The following COBLL1 variants were observed in gnomAD, a reference collection of about 807,000 sequenced individuals.
COBLL1 encodes the protein cordon-bleu protein-like 1.
A neutral mutation model predicts 94.8 loss-of-function variants in COBLL1; 50 were observed. The observed-to-expected ratio is 0.53, with a 90% confidence interval of 0.42 to 0.67. The LOEUF is 0.67. Ranked by LOEUF, COBLL1 falls within the 30% of genes least tolerant of loss-of-function variation. The probability of loss-of-function intolerance (pLI) is 0.00; values close to 1 mark genes in which losing one functional copy is unlikely to be tolerated. For missense variants in COBLL1, 1,362 were observed against 1,348.7 expected (o/e 1.01, Z -0.15); for synonymous variants, 448 against 473.8 (o/e 0.95, Z 0.71).
upstream of COBLL1, chr2:164,841,952 C>T: frequency 6.5e-7 from 1 of 1,536,832 alleles, no homozygotes; most frequent in East Asian, 2.5e-5. The surrounding 1 kb of genome is among the most constrained non-coding windows in gnomAD (Gnocchi z 5.5). Flanking sequence ...CGCTCTCTCA[C>T]TCACCCTGCC....
chr2:164,780,960 G>A (rs1365031598), intron 2 of COBLL1, among the ~76,000 whole-genome samples: 2 of 152,116 alleles, frequency 1.3e-5, no homozygotes, highest in African/African-American at 4.8e-5. Flanking sequence ...CCTGTGATGT[G>A]CGTATTTTCT....
chr2:164,706,230 A>T (rs1184351854), intron 7 of COBLL1, among the ~76,000 whole-genome samples: 1 of 152,144 alleles, frequency 6.6e-6, no homozygotes, highest in African/African-American at 2.4e-5. Flanking sequence ...ACCTATTAGC[A>T]ACATTAAACA....
chr2:164,833,863 C>T (rs180883115), intron 2 of COBLL1, among the ~76,000 whole-genome samples: 13 of 152,022 alleles, frequency 8.6e-5, no homozygotes, highest in African/African-American at 3.1e-4. Context: ...GTATAGTGAA[C>T]TTAAATTAAA....
intron 2 of COBLL1, among the ~76,000 whole-genome samples, chr2:164,805,349 A>ATATATATT (rs1684083207): frequency 9.1e-6 from 1 of 110,004 alleles, no homozygotes; most frequent in Non-Finnish European, 1.8e-5. Flanking sequence ...ATATATATAT[A>ATATATATT]TATATATATA....
At chr2:164,687,207 T>G (rs1364755065) in intron 13 of COBLL1, 1 of 441,402 alleles carries the variant, frequency 2.3e-6, no homozygotes, top group Non-Finnish European at 4.1e-6. Context: ...GGTAATGACT[T>G]TCTTTCTTTT....
At chr2:164,787,997 C>T (rs1682960388) in intron 2 of COBLL1, among the ~76,000 whole-genome samples, 1 of 152,136 alleles carries the variant, frequency 6.6e-6, no homozygotes, top group Non-Finnish European at 1.5e-5. Flanking sequence ...GTAACAGACA[C>T]TTGTCAGATG....
chr2:164,836,428 C>T (rs896554861), intron 2 of COBLL1, among the ~76,000 whole-genome samples: 2 of 152,072 alleles, frequency 1.3e-5, no homozygotes, highest in Non-Finnish European at 2.9e-5. Context: ...TATAAGGCCA[C>T]TTTAAATAAA....
chr2:164,787,649 C>A (rs1336048384), intron 2 of COBLL1, among the ~76,000 whole-genome samples: 1 of 152,116 alleles, frequency 6.6e-6, no homozygotes, highest in Non-Finnish European at 1.5e-5. Context: ...CTTGAGCCCT[C>A]AAATAAATAC....
At chr2:164,815,219 G>T (rs752818674) in intron 2 of COBLL1, among the ~76,000 whole-genome samples, 12 of 151,916 alleles carry the variant, frequency 7.9e-5, no homozygotes, top group Non-Finnish European at 1.6e-4. Context: ...GGCCAATGTG[G>T]TGAAACTCAT....
Position 164,682,663 on chromosome 2 carries a change from T to C in COBLL1, c.*3283A>G, listed in dbSNP as rs1235216803. On this transcript the variant is annotated 3_prime_UTR_variant, in exon 14 of 14. Coordinates refer to ENST00000652658, the MANE Select transcript of COBLL1 (RefSeq NM_001365672.2). ...GCAAATAATACCTGTTCACTTATAGTATTGACATCAGGTAACTTTAAAAGA... is the reference window on the plus strand; with the variant it reads ...GCAAATAATACCTGTTCACTTATAGCATTGACATCAGGTAACTTTAAAAGA... 1 of 152,164 alleles carries C rather than the reference T, an allele frequency of 6.6e-6. No homozygotes were observed. 9.4% of individuals were successfully genotyped at this position (152,164 alleles called of 1,614,324 possible).
chr2:164,665,528 C>CCAGAATAATTTTATTAT, intron 2 of COBLL1, among the ~76,000 whole-genome samples: 1 of 150,116 alleles, frequency 6.7e-6, no homozygotes, highest in Admixed American at 6.6e-5. Context: ...GATTGAAAAC[C>CCAGAATAATTTTATTAT]CTACCCCAGA....
chr2:164,735,541 A>G (rs1686254064), intron 3 of COBLL1, among the ~76,000 whole-genome samples: 1 of 151,890 alleles, frequency 6.6e-6, no homozygotes, highest in Non-Finnish European at 1.5e-5. Flanking sequence ...GGAATTACTG[A>G]CTGTCTAGCT....
chr2:164,765,643 G>A (rs1164520700), intron 2 of COBLL1, among the ~76,000 whole-genome samples: 2 of 152,070 alleles, frequency 1.3e-5, no homozygotes, highest in African/African-American at 4.8e-5. Context: ...GGTGAAAGGT[G>A]AGTAATGAAT....
At chr2:164,687,178 G>A (rs781146062) in intron 13 of COBLL1, 9 of 390,712 alleles carry the variant, frequency 2.3e-5, no homozygotes, top group East Asian at 5.0e-5. Flanking sequence ...TTCTTTCCAA[G>A]TATAGCCAAC....
At chr2:164,801,402 G>A (rs1359064297) in intron 2 of COBLL1, among the ~76,000 whole-genome samples, 1 of 121,014 alleles carries the variant, frequency 8.3e-6, no homozygotes, top group Non-Finnish European at 1.6e-5. Flanking sequence ...TCGCGCCACT[G>A]CACTCCAGCC....
chr2:164,791,378 A>T (rs1318168660), intron 2 of COBLL1, among the ~76,000 whole-genome samples: 1 of 152,220 alleles, frequency 6.6e-6, no homozygotes, highest in Non-Finnish European at 1.5e-5. Context: ...ACATGGCCAG[A>T]AAGACAAAAG....
intron 4 of COBLL1, 55 bp downstream of exon 4, chr2:164,729,859 A>C: frequency 1.4e-6 from 2 of 1,438,064 alleles, no homozygotes; most frequent in Non-Finnish European, 1.9e-6. Flanking sequence ...TTCACTTACA[A>C]TGAGCTGCTG....
chr2:164,841,216 C>G lies in COBLL1; in HGVS notation c.-20G>C. The G allele has an allele frequency of 8.1e-7, 1 of 1,231,300 alleles. No homozygotes were observed. Among genetic ancestry groups the G allele is most frequent in the Non-Finnish European group, 1.0e-6 (1 of 988,502 alleles). The allele number at this position is 1,231,300 out of a possible 1,614,324, so 76.3% of individuals were successfully genotyped here. A position where few individuals can be genotyped will look rare whatever the true frequency, so the allele number is the denominator to read the frequency against. ...GTCCATCGCCCTGCGGGGCGCTGCG[C>G]GGGCTCCAGCTCCCAGGCGGCGCGT... On this transcript the variant is annotated 5_prime_UTR_variant, in exon 2 of 14. Transcript: ENST00000652658. The surrounding 1 kb of genome is among the most constrained non-coding windows in gnomAD (Gnocchi z 5.5).
At chr2:164,802,421 A>G (rs1683856029) in intron 2 of COBLL1, among the ~76,000 whole-genome samples, 2 of 152,224 alleles carry the variant, frequency 1.3e-5, no homozygotes, top group Non-Finnish European at 2.9e-5. Context: ...TGTATTTGCC[A>G]GTAATATATC....
Sources: gnomAD v4.1 joint callset for allele counts (sites outside exome capture counted in the v4.1 genomes callset) on GRCh38, gnomAD v4.1.1 for gene constraint, Gnocchi (gnomAD v3.1) non-coding constraint, MANE v1.5 for transcripts, NCBI Gene and HGNC (gene_info 2026-07-23, HGNC 2026-07-21) for gene names.